The following SCHIP1 variants were observed in gnomAD, a reference collection of about 807,000 sequenced individuals.
The protein encoded by SCHIP1 is schwannomin-interacting protein 1.
In SCHIP1, 8 loss-of-function variants were observed where a neutral mutation model predicts 29.7. That is an observed-to-expected ratio of 0.27 (90% CI 0.16 to 0.49). SCHIP1 has a LOEUF of 0.49. Among genes scored for constraint, SCHIP1 ranks in the 20% least tolerant of loss-of-function variants. The pLI, the probability that SCHIP1 is intolerant of heterozygous loss-of-function variation, is 0.99. For synonymous variants in SCHIP1, 76 were observed against 94.9 expected (o/e 0.80, Z 1.16); for missense variants, 193 against 294.6 (o/e 0.66, Z 2.52).
the SCHIP1 span, among the ~76,000 whole-genome samples, chr3:159,620,610 A>G: frequency 6.6e-6 from 1 of 152,216 alleles, no homozygotes; most frequent in Non-Finnish European, 1.5e-5. Context: ...TTGGGAAATA[A>G]TACACTTTGC....
At chr3:159,699,775 A>G in the SCHIP1 span, among the ~76,000 whole-genome samples, 2 of 152,222 alleles carry the variant, frequency 1.3e-5, no homozygotes, top group Non-Finnish European at 1.5e-5. Flanking sequence ...TAGTGATGGC[A>G]TAAGAAAATA....
chr3:159,556,430 A>G, the SCHIP1 span, among the ~76,000 whole-genome samples: 1 of 152,260 alleles, frequency 6.6e-6, no homozygotes, highest in East Asian at 1.9e-4. Flanking sequence ...ATATACCCAA[A>G]GGATTATAAA....
At chr3:159,617,391 T>C in the SCHIP1 span, among the ~76,000 whole-genome samples, 1 of 152,212 alleles carries the variant, frequency 6.6e-6, no homozygotes, top group East Asian at 1.9e-4. Context: ...TTTCCTTATC[T>C]GATTAAGCAA....
the SCHIP1 span, among the ~76,000 whole-genome samples, chr3:159,673,187 G>A: frequency 2.0e-5 from 3 of 152,122 alleles, no homozygotes; most frequent in African/African-American, 7.2e-5. Context: ...TAGTTATTTG[G>A]TTATCATTGA....
chr3:159,504,470 G>A, the SCHIP1 span, among the ~76,000 whole-genome samples: 2 of 152,146 alleles, frequency 1.3e-5, no homozygotes, highest in African/African-American at 4.8e-5. Context: ...AGAAATGATA[G>A]TAAATCTTCA....
At chr3:159,590,606 G>T in the SCHIP1 span, among the ~76,000 whole-genome samples, 1 of 151,810 alleles carries the variant, frequency 6.6e-6, no homozygotes, top group African/African-American at 2.4e-5. Flanking sequence ...AAGCAGTCCT[G>T]GTCCTTACCT....
chr3:159,516,629 C>T, the SCHIP1 span, among the ~76,000 whole-genome samples: 4 of 152,252 alleles, frequency 2.6e-5, no homozygotes, highest in South Asian at 8.3e-4. Flanking sequence ...TCTCATCTAT[C>T]CCAAGATCTC....
the SCHIP1 span, among the ~76,000 whole-genome samples, chr3:159,428,734 G>T: frequency 6.6e-6 from 1 of 151,824 alleles, no homozygotes; most frequent in South Asian, 2.1e-4. Context: ...CTGCTATAAA[G>T]ACAGATACAC....
chr3:159,275,023 G>T, the SCHIP1 span: 12 of 979,206 alleles, frequency 1.2e-5, no homozygotes, highest in Non-Finnish European at 1.3e-5. Context: ...CAGTAATTTG[G>T]CATTTGATTT....
the SCHIP1 span, among the ~76,000 whole-genome samples, chr3:159,508,955 G>A: frequency 6.6e-6 from 1 of 152,204 alleles, no homozygotes; most frequent in Admixed American, 6.5e-5. Context: ...TTGATTTGGG[G>A]TGGAGAGTTC....
At chr3:159,455,465 T>C in the SCHIP1 span, among the ~76,000 whole-genome samples, 3 of 152,136 alleles carry the variant, frequency 2.0e-5, no homozygotes, top group East Asian at 5.8e-4. Context: ...CTTTAAGGCA[T>C]TGTAGTAGCC....
At chr3:159,493,115 A>G in the SCHIP1 span, among the ~76,000 whole-genome samples, 2 of 152,254 alleles carry the variant, frequency 1.3e-5, no homozygotes, top group Non-Finnish European at 1.5e-5. Flanking sequence ...TAAACGTGGA[A>G]AGGAACAACA....
At chr3:159,455,382 C>G in the SCHIP1 span, among the ~76,000 whole-genome samples, 1 of 152,178 alleles carries the variant, frequency 6.6e-6, no homozygotes, top group Non-Finnish European at 1.5e-5. Flanking sequence ...TACCTATAGA[C>G]CCAGATGGCC....
At chr3:159,576,928 G>C in the SCHIP1 span, among the ~76,000 whole-genome samples, 41,195 of 152,028 alleles carry the variant, frequency 0.27, 9,007 homozygotes, top group African/African-American at 0.6. Flanking sequence ...AATAAACATT[G>C]GAGAAGGTGT....
chr3:159,658,000 C>T, the SCHIP1 span, among the ~76,000 whole-genome samples: 102 of 152,328 alleles, frequency 6.7e-4, 3 homozygotes, highest in South Asian at 7.0e-3. Flanking sequence ...CATTGATGTC[C>T]GGCAAATGTT....
At chr3:159,568,803 A>G in the SCHIP1 span, among the ~76,000 whole-genome samples, 1 of 152,074 alleles carries the variant, frequency 6.6e-6, no homozygotes, top group East Asian at 1.9e-4. Flanking sequence ...TCGTCTATCA[A>G]TTACTGACAG....
chr3:159,382,015 G>A, the SCHIP1 span, among the ~76,000 whole-genome samples: 6 of 152,118 alleles, frequency 3.9e-5, no homozygotes, highest in East Asian at 1.9e-4. Context: ...TAAATGCTTC[G>A]GCCTAATAGT....
At chr3:159,818,868 T>A in the SCHIP1 span, among the ~76,000 whole-genome samples, 1 of 152,226 alleles carries the variant, frequency 6.6e-6, no homozygotes, top group Non-Finnish European at 1.5e-5. Context: ...TGAAAAAAAA[T>A]TAACTGTGTG....
At chr3:159,680,608 A>G in the SCHIP1 span, among the ~76,000 whole-genome samples, 1 of 102,392 alleles carries the variant, frequency 9.8e-6, no homozygotes, top group African/African-American at 3.9e-5. Flanking sequence ...AATATATATT[A>G]TATATGTATA....
Sources: gnomAD v4.1 joint callset for allele counts (sites outside exome capture counted in the v4.1 genomes callset) on GRCh38, gnomAD v4.1.1 for gene constraint, MANE v1.5 for transcripts, NCBI Gene and HGNC (gene_info 2026-07-23, HGNC 2026-07-21) for gene names.